CCNY: variants seen among roughly 807,000 people sequenced by gnomAD.
CCNY encodes cyclin Y, also known as cyclin-Y.
Under a neutral mutation model 42.8 loss-of-function variants are expected in CCNY, and 19 were observed. The observed-to-expected ratio is 0.44, with a 90% CI of 0.31 to 0.65. CCNY has a LOEUF of 0.65. Among genes scored for constraint, CCNY ranks in the 30% least tolerant of loss-of-function variants. The pLI, the probability that CCNY is intolerant of heterozygous loss-of-function variation, is 0.07. For synonymous variants in CCNY, 165 were observed against 162.7 expected, an observed-to-expected ratio of 1.01 and a Z score of -0.11; for missense variants, 370 against 437.3, an observed-to-expected ratio of 0.85 and a Z score of 1.37.
At chr10:35,513,325 T>TGTA (rs1840360146) in intron 3 of CCNY, among the ~76,000 whole-genome samples, 1 of 152,222 alleles carries the variant, frequency 6.6e-6, no homozygotes, top group Admixed American at 6.5e-5. Context: ...TGGTTAACTC[T>TGTA]GTAGTATCTG....
intron 3 of CCNY, among the ~76,000 whole-genome samples, chr10:35,289,586 A>G (rs983909978): frequency 1.3e-5 from 2 of 152,300 alleles, no homozygotes; most frequent in Middle Eastern, 3.4e-3. Flanking sequence ...TTGCTTTTAA[A>G]AAACTGGCCG....
At chr10:35,448,391 G>C (rs1006268337) in intron 1 of CCNY, among the ~76,000 whole-genome samples, 2 of 152,158 alleles carry the variant, frequency 1.3e-5, no homozygotes, top group East Asian at 3.8e-4. Flanking sequence ...ATTACTTGCC[G>C]TGTGACTTTG....
intron 1 of CCNY, among the ~76,000 whole-genome samples, chr10:35,378,138 T>C (rs1284944633): frequency 6.6e-6 from 1 of 152,276 alleles, no homozygotes; most frequent in African/African-American, 2.4e-5. Flanking sequence ...ATGGACCTTT[T>C]ACCACATGCA....
At chr10:35,370,122 T>C (rs755691116) in intron 1 of CCNY, among the ~76,000 whole-genome samples, 3 of 152,106 alleles carry the variant, frequency 2.0e-5, no homozygotes, top group Non-Finnish European at 4.4e-5. Context: ...TGCATATACA[T>C]GTACAGTAAA....
intron 3 of CCNY, among the ~76,000 whole-genome samples, chr10:35,261,739 G>A (rs1181611159): frequency 1.3e-5 from 2 of 151,982 alleles, no homozygotes; most frequent in African/African-American, 4.8e-5. Flanking sequence ...TAACTGAATA[G>A]GCCAGGCACA....
intron 1 of CCNY, among the ~76,000 whole-genome samples, chr10:35,359,218 C>T (rs1394952342): frequency 4.6e-5 from 7 of 152,162 alleles, no homozygotes; most frequent in African/African-American, 1.7e-4. Flanking sequence ...CTCCCCCTGT[C>T]CTGTCCCCTC....
At chr10:35,375,910 T>C (rs1047270489) in intron 1 of CCNY, among the ~76,000 whole-genome samples, 4 of 151,830 alleles carry the variant, frequency 2.6e-5, no homozygotes, top group African/African-American at 9.7e-5. Flanking sequence ...AGGGTGAGAA[T>C]AGAGTGGTGG....
rs116073001 is a variant in CCNY at position 35,447,974 on chromosome 10, C to T, written c.155-35430C>T. On this transcript the variant is annotated intron_variant, in intron 1 of 9. Transcript: ENST00000374704. Reference sequence around the variant, plus strand: ...GTGCTTTGCCGTTCATGGTGTAGCTCCTCATTCGTTTTCAGCTATCAGAAA... The same window carrying T: ...GTGCTTTGCCGTTCATGGTGTAGCTTCTCATTCGTTTTCAGCTATCAGAAA... Among the ~76,000 whole-genome samples, 1,047 of 152,324 alleles carry T rather than the reference C, an allele frequency of 6.9e-3. 14 individuals carry two copies. Among genetic ancestry groups the T allele is most frequent in the African/African-American group, 0.022 (919 of 41,570 alleles).
intron 3 of CCNY, among the ~76,000 whole-genome samples, chr10:35,269,846 A>G (rs1835141001): frequency 6.6e-6 from 1 of 151,684 alleles, no homozygotes; most frequent in Non-Finnish European, 1.5e-5. Flanking sequence ...GCCAGGCTGG[A>G]CTTGAACTCC....
At chr10:35,409,822 A>G (rs1229507005) in intron 1 of CCNY, among the ~76,000 whole-genome samples, 2 of 151,890 alleles carry the variant, frequency 1.3e-5, no homozygotes, top group African/African-American at 4.8e-5. Context: ...TAGCATGATC[A>G]CGGCACACTG....
At chr10:35,425,362 G>A (rs1037010765) in intron 1 of CCNY, among the ~76,000 whole-genome samples, 4 of 152,124 alleles carry the variant, frequency 2.6e-5, no homozygotes, top group Non-Finnish European at 4.4e-5. Flanking sequence ...ATTGGAAGGC[G>A]GCTGTTTAAA....
chr10:35,495,638 G>C (rs888667019), intron 2 of CCNY, among the ~76,000 whole-genome samples: 1 of 152,212 alleles, frequency 6.6e-6, no homozygotes, highest in Non-Finnish European at 1.5e-5. Context: ...GCAGGTCCTG[G>C]ACAGTTCAGA....
intron 2 of CCNY, among the ~76,000 whole-genome samples, chr10:35,496,571 C>T (rs1381886563): frequency 6.6e-6 from 1 of 152,092 alleles, no homozygotes; most frequent in Non-Finnish European, 1.5e-5. Context: ...TGGCTCATAC[C>T]TGTAATCCCA....
intron 1 of CCNY, among the ~76,000 whole-genome samples, chr10:35,351,044 C>G (rs1186584231): frequency 6.6e-6 from 1 of 152,142 alleles, no homozygotes; most frequent in East Asian, 1.9e-4. Flanking sequence ...CAACTCTTGC[C>G]CTGTCCATAT....
At chr10:35,313,170 T>A (rs1835709859) in intron 3 of CCNY, among the ~76,000 whole-genome samples, 1 of 152,098 alleles carries the variant, frequency 6.6e-6, no homozygotes, top group Non-Finnish European at 1.5e-5. Context: ...TCACGTGGAC[T>A]CGTGTTTGAA....
intron 9 of CCNY, 73 bp downstream of exon 9, chr10:35,566,258 G>A: frequency 7.0e-7 from 1 of 1,430,780 alleles, no homozygotes; most frequent in Non-Finnish European, 9.5e-7. Flanking sequence ...AGATGCATGT[G>A]GTCACATTGA....
intron 3 of CCNY, among the ~76,000 whole-genome samples, chr10:35,267,618 A>G (rs938158243): frequency 6.6e-6 from 1 of 152,164 alleles, no homozygotes; most frequent in Non-Finnish European, 1.5e-5. Context: ...TATAGATGTA[A>G]AAGGAAGACG....
chr10:35,518,718 T>G (rs1589174697), intron 4 of CCNY, among the ~76,000 whole-genome samples: 1 of 144,918 alleles, frequency 6.9e-6, no homozygotes, highest in Admixed American at 6.7e-5. Context: ...TTAACAGCTC[T>G]TGATTGAATC....
At chr10:35,369,777 G>A (rs1836888543) in intron 1 of CCNY, among the ~76,000 whole-genome samples, 1 of 152,162 alleles carries the variant, frequency 6.6e-6, no homozygotes. Context: ...TGAATATTTT[G>A]TAAATTGGAC....
Sources: allele counts gnomAD v4.1 joint callset (sites outside exome capture counted in the v4.1 genomes callset), GRCh38; gene constraint gnomAD v4.1.1; transcripts MANE v1.5; gene names NCBI Gene and HGNC (gene_info 2026-07-23, HGNC 2026-07-21).